SLAMF6: variants seen among roughly 807,000 people sequenced by gnomAD.
SLAMF6 encodes the protein SLAM family member 6, also known as NK-T-B-antigen.
Under a neutral mutation model 38.3 loss-of-function variants are expected in SLAMF6, and 21 were observed. The ratio of observed to expected loss-of-function variants is 0.55; its 90% CI spans 0.39 to 0.79. SLAMF6 has a LOEUF of 0.79. Ranked by LOEUF, SLAMF6 falls within the 30% of genes least tolerant of loss-of-function variation. SLAMF6 has a pLI of 0.00. For synonymous variants in SLAMF6, 152 were observed against 146.3 expected, an observed-to-expected ratio of 1.04 and a Z score of -0.28; for missense variants, 341 against 385.3, an observed-to-expected ratio of 0.89 and a Z score of 0.96.
intron 6 of SLAMF6, 149 bp downstream of exon 6, chr1:160,488,939 T>A: frequency 1.5e-6 from 1 of 687,926 alleles, no homozygotes; most frequent in South Asian, 1.7e-5. Context: ...ACCAGAGTGG[T>A]CTAGCGCATA....
At chr1:160,512,627 C>G (rs1654534754) in intron 1 of SLAMF6, among the ~76,000 whole-genome samples, 1 of 152,178 alleles carries the variant, frequency 6.6e-6, no homozygotes, top group African/African-American at 2.4e-5. Flanking sequence ...TTTGGTGCCC[C>G]TCTTGGACGG....
intron 4 of SLAMF6, 44 bp downstream of exon 4, chr1:160,490,531 C>T: frequency 6.2e-7 from 1 of 1,600,716 alleles, no homozygotes. Flanking sequence ...CTCTCAATCA[C>T]TGGAACCTTG....
intron 2 of SLAMF6, among the ~76,000 whole-genome samples, chr1:160,494,809 C>A (rs1216668405): frequency 6.6e-6 from 1 of 152,136 alleles, no homozygotes; most frequent in African/African-American, 2.4e-5. Flanking sequence ...GGGAGCACAG[C>A]CCTGCCCACA....
At chr1:160,512,254 T>C (rs912159059) in intron 1 of SLAMF6, among the ~76,000 whole-genome samples, 3 of 152,166 alleles carry the variant, frequency 2.0e-5, no homozygotes, top group African/African-American at 7.2e-5. Flanking sequence ...GTGGCCAGAC[T>C]GCATCTTTAG....
At position 160,523,130 on chromosome 1, in the gene SLAMF6, G is replaced by C; in HGVS notation, c.49+14C>G. The C allele has an allele frequency of 6.2e-7, 1 of 1,613,612 alleles. No individual in the cohort carries two copies. The highest frequency in any genetic ancestry group is 8.5e-7 in the Non-Finnish European group (1 of 1,179,716). On this transcript the variant is annotated intron_variant, in intron 1 of 7. Transcript: ENST00000368057. The stretch of plus-strand genomic sequence containing the variant: ...AGTCACTCAGTGACTACACCGATCT[G>C]GATTGACATTTACCTGGGCCAAAGC...
At chr1:160,517,194 G>A (rs1277551971) in intron 1 of SLAMF6, among the ~76,000 whole-genome samples, 1 of 152,028 alleles carries the variant, frequency 6.6e-6, no homozygotes, top group Admixed American at 6.6e-5. Flanking sequence ...ATTAAAAGGC[G>A]AGCAAAGGAC....
intron 1 of SLAMF6, among the ~76,000 whole-genome samples, chr1:160,502,248 G>T (rs975493646): frequency 6.6e-6 from 1 of 152,174 alleles, no homozygotes; most frequent in African/African-American, 2.4e-5. Context: ...CAGAAAAGGA[G>T]ATTAAGAATG....
rs140530109 is a variant in SLAMF6 at position 160,523,176 on chromosome 1, T to C, written c.17A>G (p.Gln6Arg). Reference protein sequence around the residue: MLWLFQSLLFVFCFGP... With the variant: MLWLFRSLLFVFCFGP... Reference sequence around the variant, plus strand: ...AAAGCAGAAGACAAACAGGAGCGATTGGAACAGCCACAACATGCTTTCCGC... The same window carrying C: ...AAAGCAGAAGACAAACAGGAGCGATCGGAACAGCCACAACATGCTTTCCGC... The change falls in exon 1 of 8, where the codon CAA becomes CGA. Residue 6 changes from glutamine to arginine, a missense_variant. Gln to Arg is a conservative substitution (Grantham distance 43, BLOSUM62 1). Coordinates refer to ENST00000368057, the MANE Select transcript of SLAMF6 (RefSeq NM_001184714.2). 2.1e-4 allele frequency: 337 copies of C among 1,613,898 alleles called. 5 individuals carry two copies. The Middle Eastern group carries it at 5.1e-3, about 24-fold the overall frequency.
At chr1:160,489,440 T>C (rs1398964520) in intron 5 of SLAMF6, among the ~76,000 whole-genome samples, 1 of 152,144 alleles carries the variant, frequency 6.6e-6, no homozygotes, top group African/African-American at 2.4e-5. Context: ...CACATGTGGG[T>C]CAGGAAGCTC....
At chr1:160,507,863 A>G (rs576634193) in intron 1 of SLAMF6, among the ~76,000 whole-genome samples, 1 of 152,198 alleles carries the variant, frequency 6.6e-6, no homozygotes, top group South Asian at 2.1e-4. Context: ...AAAGCTTACC[A>G]AAACATGGGA....
chr1:160,488,983 C>T, intron 6 of SLAMF6, 105 bp downstream of exon 6: 2 of 1,049,452 alleles, frequency 1.9e-6, no homozygotes, highest in Non-Finnish European at 2.9e-6. Flanking sequence ...GCTGTCTTCT[C>T]CTCCCCTCAG....
At chr1:160,504,204 A>T (rs1479158884) in intron 1 of SLAMF6, among the ~76,000 whole-genome samples, 1 of 152,130 alleles carries the variant, frequency 6.6e-6, no homozygotes, top group Non-Finnish European at 1.5e-5. Flanking sequence ...AATATACAAC[A>T]TGAAGGCTAT....
In SLAMF6 at chr1:160,489,136, C is replaced by T; in HGVS notation, c.831G>A (p.Val277=). ...CATACACAGTGTTGTTCGTTGGAGACACTGAAACATACTCTAGGTTCCTTG... is the reference window on the plus strand; with the variant it reads ...CATACACAGTGTTGTTCGTTGGAGATACTGAAACATACTCTAGGTTCCTTG... ...ESARNLEYVS[V]SPTNNTVYAS... is the part of the protein sequence containing the mutation. Residue 277 remains valine (V), a synonymous_variant, in exon 6 of 8, where the codon GTG becomes GTA. Coordinates refer to ENST00000368057, the MANE Select transcript of SLAMF6 (RefSeq NM_001184714.2). The T allele has an allele frequency of 6.2e-7, 1 of 1,613,912 alleles. No individual in the cohort carries two copies. Among genetic ancestry groups the T allele is most frequent in the Admixed American group, 1.7e-5 (1 of 60,000 alleles).
chr1:160,487,895 G>A (rs1487298974), intron 6 of SLAMF6, among the ~76,000 whole-genome samples: 1 of 152,090 alleles, frequency 6.6e-6, no homozygotes, highest in Non-Finnish European at 1.5e-5. Context: ...TTTGAGACCA[G>A]CCTGGGCAAC....
intron 1 of SLAMF6, among the ~76,000 whole-genome samples, chr1:160,498,616 C>G (rs1653720955): frequency 6.6e-6 from 1 of 152,186 alleles, no homozygotes; most frequent in Admixed American, 6.5e-5. Context: ...TACCTCCTAC[C>G]AGGTCCCTCC....
At chr1:160,498,835 A>G (rs1653733037) in intron 1 of SLAMF6, among the ~76,000 whole-genome samples, 1 of 151,920 alleles carries the variant, frequency 6.6e-6, no homozygotes, top group African/African-American at 2.4e-5. Flanking sequence ...GCATTTTTTC[A>G]TGTTTGCTGA....
At position 160,485,822 on chromosome 1, in the gene SLAMF6, G is replaced by A. The variant is rs1460704530; in HGVS notation, c.*885C>T. 1 of 152,804 alleles carries A rather than the reference G, an allele frequency of 6.5e-6. No homozygotes were observed. The highest frequency in any genetic ancestry group is 1.9e-4 in the East Asian group (1 of 5,206). 9.5% of individuals were successfully genotyped at this position (152,804 alleles called of 1,614,324 possible). On this transcript the variant is annotated 3_prime_UTR_variant, in exon 8 of 8. Transcript: ENST00000368057. Reference sequence around the variant, plus strand: ...CAGGATGGTGGTCAAGGAGTTGGAGGAGAAGTGGAAGGTCCAAGAAATATT... The same window carrying A: ...CAGGATGGTGGTCAAGGAGTTGGAGAAGAAGTGGAAGGTCCAAGAAATATT...
chr1:160,515,459 A>C (rs1477498938), intron 1 of SLAMF6, among the ~76,000 whole-genome samples: 2 of 152,240 alleles, frequency 1.3e-5, no homozygotes, highest in Admixed American at 6.5e-5. Flanking sequence ...TTCTTCTGAA[A>C]CTATTCCAAA....
rs545363272 is a variant in SLAMF6, at chr1:160,492,486, C to A, written c.383-1098G>T. Among the ~76,000 whole-genome samples, 25 of 152,212 alleles carry A rather than the reference C, an allele frequency of 1.6e-4. No homozygotes were observed. In the East Asian group the frequency reaches 4.8e-3, roughly 29 times the overall value. ...AGACCAGGTAATAATACCCACTTCTCAGGTAATTTTGAGGAATAAATGAGA... is the reference window on the plus strand; with the variant it reads ...AGACCAGGTAATAATACCCACTTCTAAGGTAATTTTGAGGAATAAATGAGA... On this transcript the variant is annotated intron_variant, in intron 2 of 7. Transcript: ENST00000368057.
Sources: allele counts gnomAD v4.1 joint callset (sites outside exome capture counted in the v4.1 genomes callset), GRCh38; gene constraint gnomAD v4.1.1; transcripts MANE v1.5; gene names NCBI Gene and HGNC (gene_info 2026-07-23, HGNC 2026-07-21).